The following SLC2A13 variants were observed in gnomAD, a reference collection of about 807,000 sequenced individuals.
SLC2A13 encodes the protein proton myo-inositol cotransporter.
In SLC2A13, 32 loss-of-function variants were observed where a neutral mutation model predicts 64.4. The ratio of observed to expected loss-of-function variants is 0.50; its 90% CI spans 0.37 to 0.67. The LOEUF is 0.67. SLC2A13 is among the 30% of genes least tolerant of loss of function. The pLI is 0.00. For synonymous variants in SLC2A13, 338 were observed against 327.1 expected, an observed-to-expected ratio of 1.03 and a Z score of -0.36; for missense variants, 743 against 829.2, an observed-to-expected ratio of 0.90 and a Z score of 1.28.
intron 6 of SLC2A13, among the ~76,000 whole-genome samples, chr12:39,856,875 T>A (rs1943622619): frequency 6.6e-6 from 1 of 152,254 alleles, no homozygotes; most frequent in Admixed American, 6.5e-5. Flanking sequence ...AGTTAAGTTT[T>A]TTAGGGGCCT....
At chr12:39,941,261 G>C (rs1946020561) in intron 4 of SLC2A13, among the ~76,000 whole-genome samples, 1 of 152,084 alleles carries the variant, frequency 6.6e-6, no homozygotes, top group South Asian at 2.1e-4. Flanking sequence ...TTCGAATAAT[G>C]ACTTATTTTC....
At chr12:39,830,785 T>G (rs1942830261) in intron 6 of SLC2A13, among the ~76,000 whole-genome samples, 1 of 152,168 alleles carries the variant, frequency 6.6e-6, no homozygotes, top group South Asian at 2.1e-4. Context: ...TGTTAACATC[T>G]TGGTGAAATC....
intron 7 of SLC2A13, among the ~76,000 whole-genome samples, chr12:39,802,090 G>A (rs1941811584): frequency 6.6e-6 from 1 of 152,220 alleles, no homozygotes; most frequent in African/African-American, 2.4e-5. Flanking sequence ...GGGTTGGGCA[G>A]TTGATGGGCT....
chr12:40,067,454 A>C (rs944083268), intron 1 of SLC2A13, among the ~76,000 whole-genome samples: 1 of 152,178 alleles, frequency 6.6e-6, no homozygotes, highest in Non-Finnish European at 1.5e-5. Context: ...AACCATGTTT[A>C]TTTGAAAGAA....
Position 40,011,534 on chromosome 12 carries a change from T to C in SLC2A13, c.925+16767A>G, listed in dbSNP as rs187975878. ...CATGTGCAGGTTTGTTACACAGATA[T>C]ATTGTGTGATGCTAAGGTTTGATCC... On this transcript the variant is annotated intron_variant, in intron 3 of 9. Transcript: ENST00000280871. Among the ~76,000 whole-genome samples the C allele has an allele frequency of 1.6e-4, 24 of 152,342 alleles. 1 individual carries two copies. Among genetic ancestry groups the C allele is most frequent in the Admixed American group, 2.6e-4 (4 of 15,306 alleles).
At chr12:39,856,361 T>C (rs1943607560) in intron 6 of SLC2A13, among the ~76,000 whole-genome samples, 1 of 152,094 alleles carries the variant, frequency 6.6e-6, no homozygotes, top group Non-Finnish European at 1.5e-5. Context: ...TGCTATGCTT[T>C]ATTTTATTTA....
chr12:39,807,566 T>C (rs1942017520), intron 7 of SLC2A13, among the ~76,000 whole-genome samples: 1 of 152,196 alleles, frequency 6.6e-6, no homozygotes, highest in South Asian at 2.1e-4. Context: ...TTGATAAATA[T>C]CAGCTAGGCT....
chr12:40,015,940 G>A (rs1257938789), intron 3 of SLC2A13, among the ~76,000 whole-genome samples: 2 of 151,970 alleles, frequency 1.3e-5, no homozygotes, highest in African/African-American at 4.8e-5. Context: ...GAAGTGCCAC[G>A]CACAGTACAT....
intron 3 of SLC2A13, among the ~76,000 whole-genome samples, chr12:39,988,745 C>A (rs1264175190): frequency 6.6e-6 from 1 of 150,904 alleles, no homozygotes; most frequent in Non-Finnish European, 1.5e-5. Flanking sequence ...GAGGAAAATG[C>A]TGCTAAAGAG....
At chr12:39,993,728 T>C (rs1050961901) in intron 3 of SLC2A13, among the ~76,000 whole-genome samples, 2 of 152,228 alleles carry the variant, frequency 1.3e-5, no homozygotes, top group Non-Finnish European at 2.9e-5. Flanking sequence ...GAGCCATTAA[T>C]TGATATAAAA....
At chr12:39,910,288 C>T (rs371693011) in intron 4 of SLC2A13, among the ~76,000 whole-genome samples, 1 of 152,134 alleles carries the variant, frequency 6.6e-6, no homozygotes, top group Non-Finnish European at 1.5e-5. Context: ...TTAACCATTT[C>T]TCTGAAGCAA....
At chr12:39,763,118 G>A (rs368477121) in intron 9 of SLC2A13, among the ~76,000 whole-genome samples, 47 of 152,036 alleles carry the variant, frequency 3.1e-4, no homozygotes, top group East Asian at 1.4e-3. Flanking sequence ...TATTGTGCTC[G>A]TATTTATTAT....
chr12:39,932,947 G>T (rs1032939924), intron 4 of SLC2A13, among the ~76,000 whole-genome samples: 3 of 152,052 alleles, frequency 2.0e-5, no homozygotes, highest in African/African-American at 7.2e-5. Flanking sequence ...AAGCCAGGTT[G>T]ATTTAAAGTG....
chr12:39,989,714 C>T (rs1947099055), intron 3 of SLC2A13, among the ~76,000 whole-genome samples: 1 of 152,106 alleles, frequency 6.6e-6, no homozygotes, highest in Non-Finnish European at 1.5e-5. Context: ...TTTTTTTCCA[C>T]AAAGTCTTGC....
intron 4 of SLC2A13, among the ~76,000 whole-genome samples, chr12:39,900,274 C>T (rs986684973): frequency 4.0e-4 from 61 of 152,254 alleles, no homozygotes; most frequent in Non-Finnish European, 6.3e-4. Flanking sequence ...CCTTTGAAAA[C>T]TGGCACAAGA....
At chr12:39,885,562 C>A (rs531269649) in intron 4 of SLC2A13, among the ~76,000 whole-genome samples, 23 of 152,218 alleles carry the variant, frequency 1.5e-4, no homozygotes, top group African/African-American at 5.3e-4. Flanking sequence ...TTACAAAAAA[C>A]TTTCTCTGAA....
chr12:39,848,573 T>C (rs1411305026), intron 6 of SLC2A13, among the ~76,000 whole-genome samples: 3 of 152,330 alleles, frequency 2.0e-5, no homozygotes, highest in African/African-American at 7.2e-5. Flanking sequence ...ATACTGTTGG[T>C]AGGAGTGTAA....
At chr12:39,957,845 C>A (rs1269218231) in intron 3 of SLC2A13, among the ~76,000 whole-genome samples, 1 of 152,136 alleles carries the variant, frequency 6.6e-6, no homozygotes, top group African/African-American at 2.4e-5. Flanking sequence ...GAGCCTACTC[C>A]ATGCTAGGGA....
intron 7 of SLC2A13, among the ~76,000 whole-genome samples, chr12:39,815,111 G>A (rs551785858): frequency 6.6e-6 from 1 of 151,888 alleles, no homozygotes; most frequent in Non-Finnish European, 1.5e-5. Context: ...GCCATCTTCT[G>A]GTCAGTTACT....
Sources: allele counts gnomAD v4.1 joint callset (sites outside exome capture counted in the v4.1 genomes callset), GRCh38; gene constraint gnomAD v4.1.1; transcripts MANE v1.5; gene names NCBI Gene and HGNC (gene_info 2026-07-23, HGNC 2026-07-21).